Variants in DYNC2H1 observed in about 807,000 individuals in gnomAD.
DYNC2H1 encodes the protein cytoplasmic dynein 2 heavy chain 1.
DYNC2H1 carries 410 observed loss-of-function variants against 570.0 expected under a neutral mutation model. The observed-to-expected ratio is 0.72, with a 90% CI of 0.66 to 0.78. The LOEUF is 0.78. DYNC2H1 is among the 30% of genes least tolerant of loss of function. The pLI is 0.00. For synonymous variants in DYNC2H1, 1,688 were observed against 1,677.6 expected (o/e 1.01, Z -0.15); for missense variants, 4,865 against 5,046.4 (o/e 0.96, Z 1.09).
At chr11:103,420,688 G>A (rs1373081191) in intron 84 of DYNC2H1, among the ~76,000 whole-genome samples, 1 of 152,158 alleles carries the variant, frequency 6.6e-6, no homozygotes, top group Non-Finnish European at 1.5e-5. Flanking sequence ...GAGGGAATTG[G>A]TCATCACCAG....
chr11:103,377,669 TTTC>T (rs1468782991), intron 83 of DYNC2H1, among the ~76,000 whole-genome samples: 7 of 152,222 alleles, frequency 4.6e-5, no homozygotes, highest in African/African-American at 1.7e-4. Context: ...CAAATAATTT[TTTC>T]TTCTCCATAT....
chr11:103,315,053 C>T (rs771594223), intron 79 of DYNC2H1, among the ~76,000 whole-genome samples: 1 of 151,838 alleles, frequency 6.6e-6, no homozygotes, highest in East Asian at 1.9e-4. Flanking sequence ...CTGCTAACAG[C>T]AAAATTTAAA....
At chr11:103,210,002 T>A in intron 53 of DYNC2H1, 42 bp downstream of exon 53, 2 of 1,406,550 alleles carry the variant, frequency 1.4e-6, no homozygotes, top group Non-Finnish European at 1.9e-6. Flanking sequence ...TTTTTATTTA[T>A]GAAATAATTG....
At chr11:103,211,986 A>C in intron 54 of DYNC2H1, 43 bp downstream of exon 54, 1 of 1,433,932 alleles carries the variant, frequency 7.0e-7, no homozygotes, top group Non-Finnish European at 9.2e-7. Context: ...TATATATAGG[A>C]AACAAGAGTT....
At chr11:103,467,601 G>A (rs1196913792) in intron 87 of DYNC2H1, among the ~76,000 whole-genome samples, 1 of 152,060 alleles carries the variant, frequency 6.6e-6, no homozygotes, top group African/African-American at 2.4e-5. Flanking sequence ...GTGGTGGCGC[G>A]ATCTCGGCTC....
At position 103,201,786 on chromosome 11, in the gene DYNC2H1, G is replaced by A. The variant is rs958968131; in HGVS notation, c.8197+1632G>A. 3.3e-5 allele frequency among the ~76,000 whole-genome samples: 5 copies of A among 152,092 alleles called. No homozygotes were observed. Among genetic ancestry groups the A allele is most frequent in the African/African-American group, 9.7e-5 (4 of 41,406 alleles). ...TTTTTTTGAAGAATTTATGAAGTTT[G>A]TTAGAATATTTCTATGAGTAATCAC... On this transcript the variant is annotated intron_variant, in intron 50 of 88. Coordinates refer to ENST00000375735, the MANE Select transcript of DYNC2H1 (RefSeq NM_001377.3). The surrounding 1 kb of genome is among the most constrained non-coding windows in gnomAD (Gnocchi z 4.8).
At chr11:103,238,585 A>G (rs952106764) in intron 63 of DYNC2H1, among the ~76,000 whole-genome samples, 44 of 5,410 alleles carry the variant, frequency 8.1e-3, no homozygotes, top group African/African-American at 0.011. Context: ...ACACACATAC[A>G]CACACACACA....
Position 103,197,936 on chromosome 11 carries a change from GT to G in DYNC2H1, c.7715del (p.Phe2572SerfsTer31). ...AAAATATCATTTATTTCCACAGATA[GT>G]TTCTACGTTACATGGGGAGCTCGGC... ...GSDILDNMSD[S>X]FYVTWGARHN... On this transcript the variant is annotated frameshift_variant, in exon 48 of 89. Coordinates refer to ENST00000375735, the MANE Select transcript of DYNC2H1 (RefSeq NM_001377.3). LOFTEE classifies it high-confidence loss of function. 1 of 1,567,984 alleles carries G rather than the reference GT, an allele frequency of 6.4e-7. No individual in the cohort carries two copies. The highest frequency in any genetic ancestry group is 8.7e-7 in the Non-Finnish European group (1 of 1,155,586).
At chr11:103,301,850 GCA>G (rs1867061523) in intron 75 of DYNC2H1, among the ~76,000 whole-genome samples, 1 of 151,910 alleles carries the variant, frequency 6.6e-6, no homozygotes, top group Non-Finnish European at 1.5e-5. Context: ...TATCTGAGGT[GCA>G]GTCTTGTCTA....
In DYNC2H1 at chr11:103,121,413, G is replaced by A. The variant is rs1858702553; in HGVS notation, c.1402G>A (p.Gly468Ser). The A allele has an allele frequency of 6.2e-7, 1 of 1,612,812 alleles. No homozygotes were observed. Among genetic ancestry groups the A allele is most frequent in the African/African-American group, 1.3e-5 (1 of 75,002 alleles). ...TGAGAATCGGTGCCGAGGAATTCCT[G>A]GTGATGCATCTGGACCACTTTCTGG... ...DFENRCRGIP[G>S]DASGPLSGKN... The change falls in exon 10 of 89, where the codon GGT becomes AGT. Residue 468 changes from glycine to serine, a missense_variant. Physicochemically the swap from Gly to Ser is moderately conservative, Grantham distance 56 (BLOSUM62 0). Transcript: ENST00000375735.
Position 103,191,637 on chromosome 11 carries a change from G to C in DYNC2H1, c.7540+18G>C, listed in dbSNP as rs1555063999. The C allele has an allele frequency of 6.6e-7, 1 of 1,503,788 alleles. No homozygotes were observed. The highest frequency in any genetic ancestry group is 2.3e-5 in the East Asian group (1 of 43,924). 93.2% of individuals were successfully genotyped at this position (1,503,788 alleles called of 1,614,324 possible). ...AGAAGGAGGTGAGTTTTGCTAGTGT[G>C]TATCTTGTGTGTGTGTGTGTGTGTG... On this transcript the variant is annotated intron_variant, in intron 46 of 88. Transcript: ENST00000375735.
intron 82 of DYNC2H1, among the ~76,000 whole-genome samples, chr11:103,343,703 C>T (rs1011407397): frequency 2.7e-5 from 4 of 150,904 alleles, no homozygotes; most frequent in African/African-American, 7.3e-5. Flanking sequence ...GGCAACAGAA[C>T]AAGACCTTGT....
At chr11:103,295,307 TAAAG>T (rs1316230063) in intron 75 of DYNC2H1, among the ~76,000 whole-genome samples, 1 of 151,974 alleles carries the variant, frequency 6.6e-6, no homozygotes, top group African/African-American at 2.4e-5. Context: ...AGGAGGAAAT[TAAAG>T]AAAGAAAAAG....
intron 84 of DYNC2H1, among the ~76,000 whole-genome samples, chr11:103,412,707 TTTTCAAAAC>T (rs1943134565): frequency 6.6e-6 from 1 of 152,190 alleles, no homozygotes; most frequent in African/African-American, 2.4e-5. Context: ...CTTTTAATAA[TTTTCAAAAC>T]TGTTTAATCA....
rs550020697 is a variant in DYNC2H1 at position 103,261,243 on chromosome 11, G to T, written c.10695+1266G>T. Among the ~76,000 whole-genome samples the T allele has an allele frequency of 2.6e-5, 4 of 151,326 alleles. No individual in the cohort carries two copies. Among genetic ancestry groups the T allele is most frequent in the East Asian group, 1.9e-4 (1 of 5,152 alleles). On this transcript the variant is annotated intron_variant, in intron 70 of 88. Coordinates refer to ENST00000375735, the MANE Select transcript of DYNC2H1 (RefSeq NM_001377.3). This position sits in a 1 kb window ranked among gnomAD's most constrained non-coding sequence, Gnocchi z 4.8. ...CCCATCTCCCTGAGACAGAGCAGCT[G>T]GGGGGAAGGGGTGGCTGTGGGCGCA... is the stretch of plus-strand genomic sequence containing the variant.
chr11:103,474,331 A>G (rs113918678), intron 88 of DYNC2H1, among the ~76,000 whole-genome samples: 226 of 152,280 alleles, frequency 1.5e-3, no homozygotes, highest in African/African-American at 5.2e-3. Flanking sequence ...TCCTCTTCTA[A>G]AAAAGAACTG....
intron 73 of DYNC2H1, among the ~76,000 whole-genome samples, chr11:103,285,439 T>TC (rs1365356889): frequency 1.4e-5 from 2 of 140,608 alleles, no homozygotes; most frequent in African/African-American, 5.3e-5. Context: ...TTTTTTTTTT[T>TC]TGAGACAGAG....
chr11:103,195,504 A>G (rs1474536256), intron 47 of DYNC2H1, among the ~76,000 whole-genome samples: 1 of 152,202 alleles, frequency 6.6e-6, no homozygotes, highest in Admixed American at 6.5e-5. Context: ...TGATGTATGT[A>G]TCTGTCCTTC....
In DYNC2H1 at chr11:103,326,552, C is replaced by T. The variant is rs1250272091; in HGVS notation, c.12039+2562C>T. On this transcript the variant is annotated intron_variant, in intron 82 of 88. Coordinates refer to ENST00000375735, the MANE Select transcript of DYNC2H1 (RefSeq NM_001377.3). The surrounding 1 kb of genome is among the most constrained non-coding windows in gnomAD (Gnocchi z 6.1). The stretch of plus-strand genomic sequence containing the variant: ...GGGCTCGGTACTCCTGAGCTGCAGA[C>T]CGCATTCCGGGGACACTGGAACAGC... Among the ~76,000 whole-genome samples the T allele has an allele frequency of 2.0e-5, 3 of 152,192 alleles. No homozygotes were observed. Among genetic ancestry groups the T allele is most frequent in the Non-Finnish European group, 2.9e-5 (2 of 68,034 alleles).
Sources: allele counts gnomAD v4.1 joint callset (sites outside exome capture counted in the v4.1 genomes callset), GRCh38; gene constraint gnomAD v4.1.1; non-coding constraint Gnocchi (gnomAD v3.1); transcripts MANE v1.5; gene names NCBI Gene and HGNC (gene_info 2026-07-23, HGNC 2026-07-21).